The following CCDC38 variants were observed in gnomAD, a reference collection of about 807,000 sequenced individuals.
CCDC38 encodes coiled-coil domain containing 38, also known as coiled-coil domain-containing protein 38.
CCDC38 carries 69 observed loss-of-function variants against 72.8 expected under a neutral mutation model. The observed-to-expected ratio is 0.95, with a 90% confidence interval of 0.78 to 1.16. The LOEUF (loss-of-function observed/expected upper bound fraction) is 1.16. Ranked by LOEUF, CCDC38 falls within the 50% of genes most tolerant of loss-of-function variation. The probability of loss-of-function intolerance (pLI) is 0.00; values close to 1 mark genes in which losing one functional copy is unlikely to be tolerated. For synonymous variants in CCDC38, 201 were observed against 213.2 expected (o/e 0.94, Z 0.50); for missense variants, 626 against 638.9 (o/e 0.98, Z 0.22).
At chr12:95,903,501 A>G (rs1338737430) in intron 5 of CCDC38, 1 of 698,948 alleles carries the variant, frequency 1.4e-6, no homozygotes, top group Non-Finnish European at 2.6e-6. Context: ...TTTTACCATT[A>G]GATATGTAAT....
At position 95,898,264 on chromosome 12, in the gene CCDC38, G is replaced by A. The variant is rs187905509; in HGVS notation, c.614+121C>T. Reference sequence around the variant, plus strand: ...ACAGGTTACTTATTTTTTAAAATTCGTTCATACTTATGACATCATCAACTG... The same window carrying A: ...ACAGGTTACTTATTTTTTAAAATTCATTCATACTTATGACATCATCAACTG... On this transcript the variant is annotated intron_variant, in intron 7 of 15. Coordinates refer to ENST00000344280, the MANE Select transcript of CCDC38 (RefSeq NM_182496.3). 16 of 969,272 alleles carry A rather than the reference G, an allele frequency of 1.7e-5. No individual in the cohort carries two copies. The East Asian group carries it at 2.4e-4, about 15-fold the overall frequency. 60.0% of individuals were successfully genotyped at this position (969,272 alleles called of 1,614,324 possible). A position where few individuals can be genotyped will look rare whatever the true frequency, so the allele number is the denominator to read the frequency against.
intron 4 of CCDC38, among the ~76,000 whole-genome samples, chr12:95,914,318 C>G (rs549822616): frequency 6.6e-6 from 1 of 152,062 alleles, no homozygotes; most frequent in African/African-American, 2.4e-5. Context: ...AGAAAGACTC[C>G]GTCTCAAAAA....
At chr12:95,938,933 T>A (rs1197406574) in intron 1 of CCDC38, among the ~76,000 whole-genome samples, 1 of 152,168 alleles carries the variant, frequency 6.6e-6, no homozygotes, top group Non-Finnish European at 1.5e-5. Flanking sequence ...ATGAAAAAGA[T>A]CAAAAGCTCA....
intron 3 of CCDC38, among the ~76,000 whole-genome samples, 184 bp from the exon 4 acceptor site, chr12:95,917,478 A>T (rs1384493607): frequency 6.6e-6 from 1 of 152,188 alleles, no homozygotes; most frequent in African/African-American, 2.4e-5. Flanking sequence ...AGCTGAGATC[A>T]TTTAACTTTT....
intron 9 of CCDC38, 21 bp downstream of exon 9, chr12:95,890,811 G>A (rs7954709): frequency 0.018 from 26,394 of 1,454,084 alleles, 1,125 homozygotes; most frequent in African/African-American, 0.15. Context: ...TTACTTTCAT[G>A]AGTCCCAAAT....
chr12:95,884,940 A>G (rs1368880112), intron 10 of CCDC38, among the ~76,000 whole-genome samples: 5 of 152,224 alleles, frequency 3.3e-5, no homozygotes, highest in Non-Finnish European at 7.3e-5. Context: ...TTTGTGGGGG[A>G]CATAATTCAA....
Position 95,890,786 on chromosome 12 carries a change from A to C in CCDC38, c.871+46T>G, listed in dbSNP as rs200906075. On this transcript the variant is annotated intron_variant, in intron 9 of 15. Coordinates refer to ENST00000344280, the MANE Select transcript of CCDC38 (RefSeq NM_182496.3). ...GTCCTCTGTCTCCACTTTGAGATGG[A>C]CACATTCGCAGGTTTTACTTTCATG... The C allele has an allele frequency of 5.1e-6, 6 of 1,177,068 alleles. No individual in the cohort carries two copies. In the African/African-American group the frequency reaches 9.2e-5, roughly 18 times the overall value. 72.9% of individuals were successfully genotyped at this position (1,177,068 alleles called of 1,614,324 possible).
intron 4 of CCDC38, among the ~76,000 whole-genome samples, chr12:95,913,070 TTAA>T (rs1373053196): frequency 6.6e-6 from 1 of 151,900 alleles, no homozygotes; most frequent in Non-Finnish European, 1.5e-5. Context: ...GTCTCAAAAG[TTAA>T]TAATAAAAGC....
At position 95,938,224 on chromosome 12, in the gene CCDC38, T is replaced by C. The variant is rs572238054; in HGVS notation, c.-14-1701A>G. ...TTTTTCACAGGCATTAAATTCATTC[T>C]CACGGGGGAAAAGAAAGATCGGTGA... On this transcript the variant is annotated intron_variant, in intron 1 of 15. Transcript: ENST00000344280. Among the ~76,000 whole-genome samples, 38 of 152,350 alleles carry C rather than the reference T, an allele frequency of 2.5e-4. No homozygotes were observed. In the South Asian group the frequency reaches 7.3e-3, roughly 29 times the overall value.
At chr12:95,928,997 T>C (rs923843093) in intron 2 of CCDC38, among the ~76,000 whole-genome samples, 5 of 152,158 alleles carry the variant, frequency 3.3e-5, no homozygotes, top group African/African-American at 1.2e-4. Flanking sequence ...TTTTTGTTTG[T>C]CTGTGCCCTG....
intron 7 of CCDC38, among the ~76,000 whole-genome samples, chr12:95,897,896 T>G (rs550284882): frequency 6.6e-6 from 1 of 152,198 alleles, no homozygotes; most frequent in Non-Finnish European, 1.5e-5. Flanking sequence ...CAGATCTTAG[T>G]TTTTAATAGC....
At chr12:95,891,871 C>A (rs999481776) in intron 8 of CCDC38, among the ~76,000 whole-genome samples, 4 of 152,104 alleles carry the variant, frequency 2.6e-5, no homozygotes. Flanking sequence ...TAACAACCAA[C>A]TCTCTAGAAA....
intron 9 of CCDC38, among the ~76,000 whole-genome samples, chr12:95,890,234 T>C (rs372149649): frequency 4.2e-4 from 64 of 152,246 alleles, no homozygotes; most frequent in African/African-American, 1.5e-3. Context: ...TTTTTAAACA[T>C]TGGCCACCAA....
intron 2 of CCDC38, chr12:95,935,164 T>C (rs1396841157): frequency 6.6e-6 from 1 of 152,298 alleles, no homozygotes; most frequent in Non-Finnish European, 1.5e-5. Flanking sequence ...TACATATCTG[T>C]AGAATAAATT....
chr12:95,898,664 T>A lies in CCDC38; in HGVS notation c.437A>T (p.Gln146Leu). The A allele has an allele frequency of 6.2e-7, 1 of 1,614,218 alleles. No individual in the cohort carries two copies. Among genetic ancestry groups the A allele is most frequent in the African/African-American group, 1.3e-5 (1 of 75,054 alleles). The change falls in exon 6 of 16, where the codon CAA becomes CTA. Residue 146 changes from glutamine (Q) to leucine (L), a missense_variant. Physicochemically the swap from Gln to Leu is moderately radical, Grantham distance 113. Transcript: ENST00000344280. ...FEKDIAMRERQLKKAEKKLQD... is the reference protein window; with the variant it reads ...FEKDIAMRERLLKKAEKKLQD... ...GAGCTTTTTCTCTGCTTTTTTTAGT[T>A]GCCGTTCCCTCATTGCTATGTCTTT...
intron 2 of CCDC38, among the ~76,000 whole-genome samples, chr12:95,920,311 C>A (rs974394766): frequency 6.6e-6 from 1 of 152,168 alleles, no homozygotes; most frequent in East Asian, 1.9e-4. Context: ...CCATATAAGA[C>A]GTGACTTTCC....
intron 3 of CCDC38, 72 bp downstream of exon 3, chr12:95,918,804 G>A: frequency 9.6e-7 from 1 of 1,044,532 alleles, no homozygotes; most frequent in East Asian, 2.4e-5. Flanking sequence ...GCCCAGCAAA[G>A]TTCATAAGAG....
intron 11 of CCDC38, 50 bp downstream of exon 11, chr12:95,881,435 G>A (rs776259809): frequency 7.6e-7 from 1 of 1,315,896 alleles, no homozygotes; most frequent in South Asian, 1.3e-5. Context: ...ATGATCATCA[G>A]TATTTTTCAC....
chr12:95,915,098 A>G (rs1174062093), intron 4 of CCDC38, among the ~76,000 whole-genome samples: 1 of 152,192 alleles, frequency 6.6e-6, no homozygotes, highest in African/African-American at 2.4e-5. Context: ...TTAGAGCCAT[A>G]TTCACCATTT....
Sources: gnomAD v4.1 joint callset for allele counts (sites outside exome capture counted in the v4.1 genomes callset) on GRCh38, gnomAD v4.1.1 for gene constraint, MANE v1.5 for transcripts, NCBI Gene and HGNC (gene_info 2026-07-23, HGNC 2026-07-21) for gene names.